The following NTN4 variants were observed in gnomAD, a reference collection of about 807,000 sequenced individuals.
NTN4 encodes the protein netrin 4.
Under a neutral mutation model 73.6 loss-of-function variants are expected in NTN4, and 32 were observed. The observed-to-expected ratio is 0.44, with a 90% CI of 0.33 to 0.58. The LOEUF (loss-of-function observed/expected upper bound fraction) is 0.58, where lower values mean the gene tolerates loss of function less well. Among genes scored for constraint, NTN4 ranks in the 20% least tolerant of loss-of-function variants. The pLI, the probability that NTN4 is intolerant of heterozygous loss-of-function variation, is 0.04. For synonymous variants in NTN4, 258 were observed against 287.5 expected, an observed-to-expected ratio of 0.90 and a Z score of 1.04; for missense variants, 654 against 798.3, an observed-to-expected ratio of 0.82 and a Z score of 2.18.
At chr12:95,770,679 T>A (rs1404943407) in intron 2 of NTN4, among the ~76,000 whole-genome samples, 1 of 152,246 alleles carries the variant, frequency 6.6e-6, no homozygotes, top group Non-Finnish European at 1.5e-5. Flanking sequence ...GGTGATCACA[T>A]CTTCTCTCTT....
At chr12:95,763,323 C>G (rs1300969240) in intron 2 of NTN4, among the ~76,000 whole-genome samples, 1 of 152,128 alleles carries the variant, frequency 6.6e-6, no homozygotes, top group Non-Finnish European at 1.5e-5. Context: ...TGGCTGATGC[C>G]CATTCATTCT....
chr12:95,759,795 T>C (rs7301610), intron 2 of NTN4, among the ~76,000 whole-genome samples: 83,517 of 151,760 alleles, frequency 0.55, 23,229 homozygotes, highest in East Asian at 0.68. Flanking sequence ...TCAGATATTG[T>C]ATTTTTCATC....
At chr12:95,749,842 C>CCCTTAGCGGCAAGT (rs1386821563) in intron 2 of NTN4, among the ~76,000 whole-genome samples, 3 of 150,702 alleles carry the variant, frequency 2.0e-5, no homozygotes, top group Non-Finnish European at 4.4e-5. Context: ...TTCTCCTTCA[C>CCCTTAGCGGCAAGT]CCTTAGCGGC....
At chr12:95,693,859 C>CA in intron 5 of NTN4, among the ~76,000 whole-genome samples, 1 of 151,392 alleles carries the variant, frequency 6.6e-6, no homozygotes, top group East Asian at 1.9e-4. Flanking sequence ...TCATATAGGA[C>CA]AAGAGTCACA....
At position 95,704,154 on chromosome 12, in the gene NTN4, A is replaced by G. The variant is rs142833813; in HGVS notation, c.1180+6287T>C. On this transcript the variant is annotated intron_variant, in intron 5 of 9. Coordinates refer to ENST00000343702, the MANE Select transcript of NTN4 (RefSeq NM_021229.4). ...GTAGGATCAGAGGTTCTGAATTGCTAATCAGCAACCAGATGATGCCAATGC... is the reference window on the plus strand; with the variant it reads ...GTAGGATCAGAGGTTCTGAATTGCTGATCAGCAACCAGATGATGCCAATGC... Among the ~76,000 whole-genome samples the G allele has an allele frequency of 1.4e-4, 22 of 152,256 alleles. No individual in the cohort carries two copies. The East Asian group carries it at 3.7e-3, about 25-fold the overall frequency.
chr12:95,741,430 TATATATA>T (rs2078823746), intron 2 of NTN4, among the ~76,000 whole-genome samples: 8 of 11,258 alleles, frequency 7.1e-4, no homozygotes, highest in East Asian at 3.1e-3. Context: ...GTATAAATTA[TATATATA>T]TATATATATA....
intron 2 of NTN4, among the ~76,000 whole-genome samples, chr12:95,775,849 G>A (rs573029331): frequency 2.4e-4 from 37 of 152,302 alleles, no homozygotes; most frequent in Admixed American, 1.0e-3. Flanking sequence ...CTCCCAGCAC[G>A]GAGTTTGAGA....
Position 95,658,945 on chromosome 12 carries a change from G to A in NTN4, c.*141C>T, listed in dbSNP as rs1052651. On this transcript the variant is annotated 3_prime_UTR_variant, in exon 10 of 10. Coordinates refer to ENST00000343702, the MANE Select transcript of NTN4 (RefSeq NM_021229.4). ...TTAAACATGGGTCCAGAAGAGATAA[G>A]TTAGATAAGACCCATGCATTCAAAC... is the stretch of plus-strand genomic sequence containing the variant. 284,286 of 695,308 alleles carry A rather than the reference G, an allele frequency of 0.41. 59,524 individuals carry two copies. Among genetic ancestry groups the A allele is most frequent in the Admixed American group, 0.49 (17,504 of 36,042 alleles). The allele number at this position is 695,308 out of a possible 1,614,324, so 43.1% of individuals were successfully genotyped here. A position where few individuals can be genotyped will look rare whatever the true frequency, so the allele number is the denominator to read the frequency against.
intron 5 of NTN4, among the ~76,000 whole-genome samples, chr12:95,688,916 A>T (rs182075937): frequency 5.6e-4 from 86 of 152,274 alleles, no homozygotes; most frequent in Non-Finnish European, 1.0e-3. Flanking sequence ...CTTTTGTGAG[A>T]ACAGAAGCTG....
At chr12:95,753,837 GC>G (rs1305520840) in intron 2 of NTN4, among the ~76,000 whole-genome samples, 1 of 151,800 alleles carries the variant, frequency 6.6e-6, no homozygotes, top group East Asian at 1.9e-4. Flanking sequence ...TTTTTATTAG[GC>G]CCCAGTCTCA....
chr12:95,686,300 T>TAC (rs1212270595), intron 5 of NTN4, among the ~76,000 whole-genome samples: 1 of 152,178 alleles, frequency 6.6e-6, no homozygotes, highest in Non-Finnish European at 1.5e-5. Context: ...AAGATTTCCA[T>TAC]ACATGTGATG....
At chr12:95,693,914 A>T (rs949155275) in intron 5 of NTN4, among the ~76,000 whole-genome samples, 1 of 152,044 alleles carries the variant, frequency 6.6e-6, no homozygotes, top group East Asian at 1.9e-4. Context: ...ACACAAGCAC[A>T]AGACAGGAAC....
At chr12:95,677,656 G>A (rs942897871) in intron 7 of NTN4, among the ~76,000 whole-genome samples, 1 of 152,166 alleles carries the variant, frequency 6.6e-6, no homozygotes, top group Non-Finnish European at 1.5e-5. Context: ...TAAAAGAATA[G>A]CTTGATAATA....
chr12:95,682,676 A>G (rs775238382), intron 7 of NTN4, 31 bp downstream of exon 7: 1 of 1,492,472 alleles, frequency 6.7e-7, no homozygotes, highest in East Asian at 2.3e-5. Flanking sequence ...ACCAGACCTG[A>G]AAATATGATG....
At chr12:95,693,378 CTAAGTTCTATGGAAT>C (rs757411137) in intron 5 of NTN4, among the ~76,000 whole-genome samples, 1 of 151,782 alleles carries the variant, frequency 6.6e-6, no homozygotes, top group Non-Finnish European at 1.5e-5. Context: ...CTTGACTACT[CTAAGTTCTATGGAAT>C]TAAGTTACTC....
At chr12:95,683,954 T>G (rs1162791490) in intron 5 of NTN4, among the ~76,000 whole-genome samples, 1 of 152,084 alleles carries the variant, frequency 6.6e-6, no homozygotes, top group African/African-American at 2.4e-5. Context: ...ATGGAAGGCA[T>G]GAAATATGAA....
At chr12:95,669,893 T>C (rs2078214163) in intron 8 of NTN4, among the ~76,000 whole-genome samples, 185 bp downstream of exon 8, 1 of 152,226 alleles carries the variant, frequency 6.6e-6, no homozygotes, top group Non-Finnish European at 1.5e-5. Context: ...GGGACATCCA[T>C]CACCAACTAC....
At chr12:95,683,845 T>C (rs772622307) in intron 5 of NTN4, 134 bp from the exon 6 acceptor site, 5 of 633,166 alleles carry the variant, frequency 7.9e-6, no homozygotes, top group South Asian at 1.9e-5. Flanking sequence ...AGCCAGTGAG[T>C]GTATGCTCAG....
intron 2 of NTN4, among the ~76,000 whole-genome samples, chr12:95,773,813 TATG>T (rs760953861): frequency 6.6e-5 from 10 of 152,146 alleles, no homozygotes; most frequent in Admixed American, 2.0e-4. Context: ...ACATTTAAAA[TATG>T]ATGCAAGGTG....
Sources: gnomAD v4.1 joint callset for allele counts (sites outside exome capture counted in the v4.1 genomes callset) on GRCh38, gnomAD v4.1.1 for gene constraint, MANE v1.5 for transcripts, NCBI Gene and HGNC (gene_info 2026-07-23, HGNC 2026-07-21) for gene names.